The following CLASP1 variants were observed in gnomAD, a reference collection of about 807,000 sequenced individuals.
CLASP1 encodes the protein CLIP-associating protein 1.
Under a neutral mutation model 192.3 loss-of-function variants are expected in CLASP1, and 38 were observed. The ratio of observed to expected loss-of-function variants is 0.20; its 90% CI spans 0.15 to 0.26. The LOEUF is 0.26. Ranked by LOEUF, CLASP1 falls within the 10% of genes least tolerant of loss-of-function variation. The probability of loss-of-function intolerance (pLI) is 1.00; values close to 1 mark genes in which losing one functional copy is unlikely to be tolerated. For missense variants in CLASP1, 1,433 were observed against 1,932.5 expected (o/e 0.74, Z 4.85); for synonymous variants, 691 against 712.8 (o/e 0.97, Z 0.49).
chr2:121,644,825 G>A (rs1003486239), intron 1 of CLASP1, among the ~76,000 whole-genome samples: 2 of 151,922 alleles, frequency 1.3e-5, no homozygotes, highest in Middle Eastern at 3.4e-3. Flanking sequence ...AGGTGTGGTG[G>A]TGCATGCCTG....
intron 2 of CLASP1, chr2:121,531,056 T>C (rs989645952): frequency 1.1e-5 from 8 of 696,798 alleles, no homozygotes; most frequent in African/African-American, 1.8e-5. Context: ...CAGTAATTCG[T>C]AAATAAACTA....
At chr2:121,367,422 G>A (rs757349956) in intron 35 of CLASP1, among the ~76,000 whole-genome samples, 166 bp downstream of exon 36, 2 of 152,154 alleles carry the variant, frequency 1.3e-5, no homozygotes, top group Non-Finnish European at 2.9e-5. Context: ...GTGCCCAAGC[G>A]CACAGTAGGG....
At chr2:121,349,239 CAA>C (rs750146940) in intron 37 of CLASP1, among the ~76,000 whole-genome samples, 2 of 138,606 alleles carry the variant, frequency 1.4e-5, no homozygotes, top group Admixed American at 7.3e-5. Flanking sequence ...GACTCTGTCT[CAA>C]AAAAAAAAAG....
intron 19 of CLASP1, chr2:121,445,617 G>A (rs150162780): frequency 2.1e-6 from 1 of 465,170 alleles, no homozygotes; most frequent in Non-Finnish European, 3.7e-6. Context: ...TCAATTTTTT[G>A]GTGTTTTTGT....
At chr2:121,379,212 TC>T (rs2071024928) in intron 33 of CLASP1, among the ~76,000 whole-genome samples, 1 of 140,832 alleles carries the variant, frequency 7.1e-6, no homozygotes, top group African/African-American at 2.7e-5. Flanking sequence ...TTTGGAGAGT[TC>T]ACAAAAAAAA....
intron 8 of CLASP1, among the ~76,000 whole-genome samples, chr2:121,492,725 C>T (rs946802888): frequency 2.0e-5 from 3 of 149,322 alleles, no homozygotes; most frequent in African/African-American, 7.4e-5. Context: ...TTGGTAAAGG[C>T]TAGAGAGAAT....
chr2:121,574,100 C>T lies in CLASP1; in HGVS notation c.195+31601G>A, dbSNP rs375355124. Among the ~76,000 whole-genome samples the T allele has an allele frequency of 3.9e-5, 6 of 152,234 alleles. 1 individual carries two copies. The highest frequency in any genetic ancestry group is 1.4e-4 in the African/African-American group (6 of 41,534). On this transcript the variant is annotated intron_variant, in intron 2 of 39. Coordinates refer to ENST00000263710, the Ensembl canonical transcript of CLASP1. The stretch of plus-strand genomic sequence containing the variant: ...CTTAAAAATCACTGATGGCCCGAGG[C>T]GGGCAGATCACAAGGTCAGGAGATC...
intron 2 of CLASP1, among the ~76,000 whole-genome samples, chr2:121,537,584 C>T (rs1193320403): frequency 6.6e-6 from 1 of 152,052 alleles, no homozygotes; most frequent in Non-Finnish European, 1.5e-5. Context: ...AAATTAAGAC[C>T]AATACTGCCA....
chr2:121,564,818 C>G (rs1323826623), intron 2 of CLASP1, among the ~76,000 whole-genome samples: 1 of 152,144 alleles, frequency 6.6e-6, no homozygotes, highest in African/African-American at 2.4e-5. Flanking sequence ...AGCCACAACC[C>G]AGAATATGCT....
At chr2:121,461,462 G>A (rs2087932456) in intron 10 of CLASP1, among the ~76,000 whole-genome samples, 1 of 152,100 alleles carries the variant, frequency 6.6e-6, no homozygotes, top group Admixed American at 6.6e-5. Flanking sequence ...TGTACAAAGA[G>A]AAACAAGGCT....
chr2:121,555,988 CTTTTTTTTTTTTTTTTTTTTT>C (rs34423741), intron 2 of CLASP1, among the ~76,000 whole-genome samples: 1 of 42,372 alleles, frequency 2.4e-5, no homozygotes, highest in East Asian at 9.4e-4. Flanking sequence ...CTACCCACCG[CTTTTTTTTTTTTTTTTTTTTT>C]TTTTTTTTTT....
Position 121,387,098 on chromosome 2 carries a change from T to C in CLASP1, c.3374+24A>G, listed in dbSNP as rs771568015. The stretch of plus-strand genomic sequence containing the variant: ...AGGTGCTTTAGTTTCTTTACATCTG[T>C]GGAAAGTAAAGAAGTGACCTTACCT... On this transcript the variant is annotated intron_variant, in intron 32 of 39. Coordinates refer to ENST00000263710, the Ensembl canonical transcript of CLASP1. The C allele has an allele frequency of 5.7e-6, 9 of 1,566,334 alleles. No homozygotes were observed. The Admixed American group carries it at 1.2e-4, about 20-fold the overall frequency.
intron 1 of CLASP1, among the ~76,000 whole-genome samples, chr2:121,629,190 A>C (rs1348644220): frequency 6.6e-6 from 1 of 151,978 alleles, no homozygotes. Flanking sequence ...GGAGATCAAG[A>C]CCATCCTGGC....
chr2:121,585,715 T>C (rs1006576331), intron 2 of CLASP1, among the ~76,000 whole-genome samples: 4 of 152,044 alleles, frequency 2.6e-5, no homozygotes, highest in Non-Finnish European at 4.4e-5. Flanking sequence ...CTGGCCAACA[T>C]GGTGAAACAC....
At chr2:121,402,506 C>T (rs2076285851) in intron 26 of CLASP1, 1 of 489,242 alleles carries the variant, frequency 2.0e-6, no homozygotes, top group Admixed American at 2.1e-5. Flanking sequence ...TGTGAGACAG[C>T]TCAGGAAAAA....
chr2:121,348,427 A>G, intron 38 of CLASP1, 85 bp downstream of exon 39: 9 of 1,240,600 alleles, frequency 7.3e-6, no homozygotes, highest in Admixed American at 2.1e-5. Flanking sequence ...CTGCCAGTGA[A>G]GGAGGAGCAC....
intron 7 of CLASP1, chr2:121,505,384 A>G (rs2093912030): frequency 6.6e-6 from 1 of 152,216 alleles, no homozygotes; most frequent in Non-Finnish European, 1.5e-5. Context: ...TATTACTAGT[A>G]TGTCCACCTT....
chr2:121,364,698 A>C (rs1015524008), intron 36 of CLASP1: 1 of 221,482 alleles, frequency 4.5e-6, no homozygotes. Flanking sequence ...TGTAGCATTT[A>C]ATCAGGTCTT....
Position 121,442,763 on chromosome 2 carries a change from G to C in CLASP1, c.1912+4574C>G, listed in dbSNP as rs575396491. ...CAAACTGCTGGGATTACAGGGGTGA[G>C]CCACTGCACTCACCCTCTAAATTTT... On this transcript the variant is annotated intron_variant, in intron 19 of 39. Transcript: ENST00000263710. Among the ~76,000 whole-genome samples the C allele has an allele frequency of 2.0e-5, 3 of 152,204 alleles. No homozygotes were observed. In the South Asian group the frequency reaches 6.2e-4, roughly 32 times the overall value.
Sources: gnomAD v4.1 joint callset for allele counts (sites outside exome capture counted in the v4.1 genomes callset) on GRCh38, gnomAD v4.1.1 for gene constraint, MANE v1.5 for transcripts, NCBI Gene and HGNC (gene_info 2026-07-23, HGNC 2026-07-21) for gene names.